PLCB1: variants seen among roughly 807,000 people sequenced by gnomAD.
PLCB1 encodes 1-phosphatidylinositol 4,5-bisphosphate phosphodiesterase beta-1.
A neutral mutation model predicts 161.8 loss-of-function variants in PLCB1; 46 were observed. That is an observed-to-expected ratio of 0.28 (90% CI 0.22 to 0.36). The LOEUF (loss-of-function observed/expected upper bound fraction) is 0.36, where lower values mean the gene tolerates loss of function less well. PLCB1 is among the 10% of genes least tolerant of loss of function. The probability of loss-of-function intolerance (pLI) is 1.00; values close to 1 mark genes in which losing one functional copy is unlikely to be tolerated. For synonymous variants in PLCB1, 517 were observed against 503.7 expected, an observed-to-expected ratio of 1.03 and a Z score of -0.35; for missense variants, 1,016 against 1,472.5, an observed-to-expected ratio of 0.69 and a Z score of 5.07.
Position 8,765,132 on chromosome 20 carries a change from G to A in PLCB1, c.2711-7G>A, listed in dbSNP as rs749055731. On this transcript the variant is annotated splice_region_variant and splice_polypyrimidine_tract_variant and intron_variant, in intron 25 of 31. Coordinates refer to ENST00000338037, the MANE Select transcript of PLCB1 (RefSeq NM_015192.4). Reference sequence around the variant, plus strand: ...ATTCCCTTAGCTTTCATATTCATTTGTTGCAGAAGTGGAAGCACAGACCAT... The same window carrying A: ...ATTCCCTTAGCTTTCATATTCATTTATTGCAGAAGTGGAAGCACAGACCAT... The A allele has an allele frequency of 6.2e-7, 1 of 1,607,672 alleles. No individual in the cohort carries two copies. Among genetic ancestry groups the A allele is most frequent in the Non-Finnish European group, 8.5e-7 (1 of 1,177,380 alleles).
At chr20:8,730,545 A>G (rs1226683281) in intron 18 of PLCB1, among the ~76,000 whole-genome samples, 2 of 151,672 alleles carry the variant, frequency 1.3e-5, no homozygotes, top group Non-Finnish European at 3.0e-5. Context: ...TACTACTATT[A>G]ATTTTCAATT....
intron 3 of PLCB1, among the ~76,000 whole-genome samples, chr20:8,530,921 A>G (rs943019971): frequency 4.6e-5 from 7 of 152,090 alleles, no homozygotes; most frequent in African/African-American, 1.7e-4. Flanking sequence ...AGTTTGCTAC[A>G]TACCAAATTG....
At chr20:8,177,877 T>C (rs997169952) in intron 2 of PLCB1, among the ~76,000 whole-genome samples, 15 of 152,136 alleles carry the variant, frequency 9.9e-5, no homozygotes, top group African/African-American at 3.6e-4. Context: ...GTGTCTATTA[T>C]TCCCTTCTTT....
intron 7 of PLCB1, chr20:8,651,642 G>A (rs1227881538): frequency 3.4e-6 from 2 of 586,174 alleles, no homozygotes; most frequent in Admixed American, 2.8e-5. Flanking sequence ...TGAGAATATG[G>A]TGGTGAAGAA....
chr20:8,616,732 C>T (rs1233641623), intron 3 of PLCB1, among the ~76,000 whole-genome samples: 1 of 152,204 alleles, frequency 6.6e-6, no homozygotes, highest in East Asian at 1.9e-4. Flanking sequence ...TCTTGGAGCA[C>T]TGGTCAACAG....
At chr20:8,456,476 A>G (rs942483376) in intron 3 of PLCB1, among the ~76,000 whole-genome samples, 1 of 152,100 alleles carries the variant, frequency 6.6e-6, no homozygotes, top group African/African-American at 2.4e-5. Flanking sequence ...GTCTTTACAC[A>G]TTGCAGAGTA....
At chr20:8,846,036 A>T (rs979377692) in intron 31 of PLCB1, among the ~76,000 whole-genome samples, 1 of 152,214 alleles carries the variant, frequency 6.6e-6, no homozygotes, top group African/African-American at 2.4e-5. Flanking sequence ...GTCCATTCTC[A>T]CACATCTATA....
At chr20:8,617,518 T>C (rs1394066367) in intron 3 of PLCB1, among the ~76,000 whole-genome samples, 1 of 152,168 alleles carries the variant, frequency 6.6e-6, no homozygotes, top group Admixed American at 6.5e-5. Flanking sequence ...ATTTACACCA[T>C]GGAAAACAGT....
intron 3 of PLCB1, among the ~76,000 whole-genome samples, chr20:8,393,548 G>A (rs537572903): frequency 2.6e-5 from 4 of 152,200 alleles, no homozygotes; most frequent in Non-Finnish European, 1.5e-5. Flanking sequence ...CAGCTACTCA[G>A]TATAGGCTGA....
At chr20:8,346,076 C>T (rs543543404) in intron 2 of PLCB1, among the ~76,000 whole-genome samples, 1 of 152,216 alleles carries the variant, frequency 6.6e-6, no homozygotes, top group East Asian at 1.9e-4. Context: ...TATAGTGTAC[C>T]AGATTTCTAT....
intron 3 of PLCB1, among the ~76,000 whole-genome samples, chr20:8,437,137 G>A (rs1049393704): frequency 5.3e-5 from 8 of 152,136 alleles, no homozygotes; most frequent in South Asian, 2.1e-4. Flanking sequence ...TGGAATGCAC[G>A]CCTTCCCCTG....
At chr20:8,757,252 G>A (rs1981787024) in intron 24 of PLCB1, 74 bp downstream of exon 24, 2 of 1,435,234 alleles carry the variant, frequency 1.4e-6, no homozygotes, top group Non-Finnish European at 1.9e-6. Flanking sequence ...CGGAGGCGCT[G>A]TGATGTGGGT....
At chr20:8,465,392 T>C (rs1011017517) in intron 3 of PLCB1, among the ~76,000 whole-genome samples, 6 of 152,114 alleles carry the variant, frequency 3.9e-5, no homozygotes, top group Non-Finnish European at 8.8e-5. Flanking sequence ...CTTCACTTAG[T>C]GCTCAATTCA....
intron 3 of PLCB1, among the ~76,000 whole-genome samples, chr20:8,436,394 T>C (rs927642527): frequency 2.0e-5 from 3 of 152,002 alleles, no homozygotes; most frequent in African/African-American, 7.2e-5. Context: ...GCAATGACTA[T>C]TTCTGCTTCA....
chr20:8,369,366 A>C (rs1174524195), intron 2 of PLCB1, among the ~76,000 whole-genome samples: 1 of 152,148 alleles, frequency 6.6e-6, no homozygotes, highest in African/African-American at 2.4e-5. Flanking sequence ...TTCTAGATTA[A>C]ACTTCTTCAA....
At position 8,881,659 on chromosome 20, in the gene PLCB1, T is replaced by C. The variant is rs769012967; in HGVS notation, c.3461T>C (p.Phe1154Ser). The C allele has an allele frequency of 6.2e-7, 1 of 1,613,826 alleles. No homozygotes were observed. The highest frequency in any genetic ancestry group is 1.1e-5 in the South Asian group (1 of 91,054). Residue 1154 changes from phenylalanine (F) to serine (S), a missense_variant, in exon 32 of 32, where the codon TTC becomes TCC. Phe to Ser is a radical substitution (Grantham distance 155, BLOSUM62 -2). Transcript: ENST00000338037. ...CTGGAGCAAGAATACCAAGACAAAT[T>C]CAAAAGACTGCCCCTCGAGATTTTG... The part of the protein sequence containing the change: ...VELEQEYQDK[F>S]KRLPLEILEF...
chr20:8,805,739 C>G (rs1374336204), intron 31 of PLCB1, among the ~76,000 whole-genome samples: 2 of 152,150 alleles, frequency 1.3e-5, no homozygotes, highest in African/African-American at 4.8e-5. Context: ...CTTGGACACA[C>G]CATGTGTCCT....
Position 8,646,191 on chromosome 20 carries a change from T to A in PLCB1, c.464+10T>A. On this transcript the variant is annotated intron_variant, in intron 5 of 31. Transcript: ENST00000338037. Reference sequence around the variant, plus strand: ...CATTTCTGGAAAAAGCGTAAGTCACTCTAATTTTATTGCTAAGGGCGTTGC... The same window carrying A: ...CATTTCTGGAAAAAGCGTAAGTCACACTAATTTTATTGCTAAGGGCGTTGC... 1.9e-6 allele frequency: 3 copies of A among 1,582,350 alleles called. No homozygotes were observed. The highest frequency in any genetic ancestry group is 2.6e-6 in the Non-Finnish European group (3 of 1,151,048).
chr20:8,136,271 G>A (rs373534115), intron 1 of PLCB1, among the ~76,000 whole-genome samples: 7 of 152,268 alleles, frequency 4.6e-5, no homozygotes, highest in African/African-American at 1.4e-4. Context: ...ATAAATGAAT[G>A]CATATGCATT....
Sources: gnomAD v4.1 joint callset for allele counts (sites outside exome capture counted in the v4.1 genomes callset) on GRCh38, gnomAD v4.1.1 for gene constraint, MANE v1.5 for transcripts, NCBI Gene and HGNC (gene_info 2026-07-23, HGNC 2026-07-21) for gene names.